Variants in SLC8A1 observed in about 807,000 individuals in gnomAD.
SLC8A1 encodes solute carrier family 8 member A1, also known as sodium/calcium exchanger 1.
In SLC8A1, 18 loss-of-function variants were observed where a neutral mutation model predicts 68.3. The observed-to-expected ratio is 0.26, with a 90% CI of 0.18 to 0.39. The LOEUF (loss-of-function observed/expected upper bound fraction) is 0.39. SLC8A1 is among the 10% of genes least tolerant of loss of function. SLC8A1 has a pLI of 1.00. For synonymous variants in SLC8A1, 475 were observed against 415.5 expected, an observed-to-expected ratio of 1.14 and a Z score of -1.74; for missense variants, 985 against 1,156.7, an observed-to-expected ratio of 0.85 and a Z score of 2.15.
rs760458596 is a variant in SLC8A1, at chr2:40,245,843, A to G, written c.1809-67988T>C. Among the ~76,000 whole-genome samples, 117 of 152,330 alleles carry G rather than the reference A, an allele frequency of 7.7e-4. No individual in the cohort carries two copies. In the Middle Eastern group the frequency reaches 0.017, roughly 22 times the overall value. ...TCTCGTAGAATGGTAAGAGGTTTAT[A>G]TCAGACTGTTGACTGCTTTATATAC... On this transcript the variant is annotated intron_variant, in intron 2 of 7. Transcript: ENST00000406785.
At chr2:40,335,595 G>C (rs1247024882) in intron 2 of SLC8A1, among the ~76,000 whole-genome samples, 1 of 152,206 alleles carries the variant, frequency 6.6e-6, no homozygotes, top group Non-Finnish European at 1.5e-5. Context: ...TAAAAATCAT[G>C]TGAATAATAC....
intron 4 of SLC8A1, among the ~76,000 whole-genome samples, chr2:40,169,860 G>C (rs893913597): frequency 2.0e-5 from 3 of 152,276 alleles, no homozygotes; most frequent in African/African-American, 7.2e-5. Context: ...AGGATCCCTT[G>C]GGCTCAGGAG....
At chr2:40,460,567 G>A (rs939026901) in intron 1 of SLC8A1, among the ~76,000 whole-genome samples, 8 of 144,708 alleles carry the variant, frequency 5.5e-5, no homozygotes, top group African/African-American at 2.1e-4. Flanking sequence ...AAATCAGACT[G>A]TAAGTATTTT....
At chr2:40,496,977 TG>T (rs1169262957) in intron 1 of SLC8A1, among the ~76,000 whole-genome samples, 3 of 148,268 alleles carry the variant, frequency 2.0e-5, no homozygotes, top group Non-Finnish European at 4.5e-5. Context: ...TAATGCTAGA[TG>T]ACGAGTTAGT....
Position 40,200,251 on chromosome 2 carries a change from T to TATTTATATATATATATATAAATAA in SLC8A1, c.1809-22397_1809-22396insTTATTTATATATATATATATAAAT, listed in dbSNP as rs1558723628. Among the ~76,000 whole-genome samples, 28 of 68,506 alleles carry TATTTATATATATATATATAAATAA rather than the reference T, an allele frequency of 4.1e-4. 3 individuals are homozygous for TATTTATATATATATATATAAATAA. Among genetic ancestry groups the TATTTATATATATATATATAAATAA allele is most frequent in the African/African-American group, 1.2e-3 (21 of 17,866 alleles). The allele number at this position is 68,506 out of a possible 152,430, so 44.9% of individuals were successfully genotyped here. A position where few individuals can be genotyped will look rare whatever the true frequency, so the allele number is the denominator to read the frequency against. On this transcript the variant is annotated intron_variant, in intron 2 of 7. Transcript: ENST00000406785. ...ATATATATATATAAATATATATATA[T>TATTTATATATATATATATAAATAA]ATATATATATATATATAACCTCTTT...
chr2:40,474,995 G>A (rs1704192239), intron 1 of SLC8A1, among the ~76,000 whole-genome samples: 1 of 152,102 alleles, frequency 6.6e-6, no homozygotes, highest in South Asian at 2.1e-4. Context: ...AGTGATCGAG[G>A]TTACTAATAT....
chr2:40,392,343 C>T (rs1214265977), intron 2 of SLC8A1, among the ~76,000 whole-genome samples: 1 of 152,044 alleles, frequency 6.6e-6, no homozygotes, highest in Admixed American at 6.6e-5. Context: ...CTTATCTACC[C>T]GTTCCCACTA....
At chr2:40,421,783 A>G (rs928110131) in intron 2 of SLC8A1, among the ~76,000 whole-genome samples, 2 of 152,190 alleles carry the variant, frequency 1.3e-5, no homozygotes, top group African/African-American at 4.8e-5. Context: ...ATGAAAAAGA[A>G]TTGTTTATTT....
At chr2:40,212,283 C>T (rs565625) in intron 2 of SLC8A1, among the ~76,000 whole-genome samples, 98,189 of 136,090 alleles carry the variant, frequency 0.72, 36,206 homozygotes, top group Middle Eastern at 0.82. Context: ...GATGCAATAT[C>T]TTTTTTTTTT....
intron 2 of SLC8A1, among the ~76,000 whole-genome samples, chr2:40,372,937 G>A (rs981970297): frequency 6.6e-6 from 1 of 151,822 alleles, no homozygotes; most frequent in African/African-American, 2.4e-5. Flanking sequence ...TATCAAGAGA[G>A]GTATTATGGG....
At chr2:40,350,128 TATG>T (rs1446162148) in intron 2 of SLC8A1, among the ~76,000 whole-genome samples, 1 of 152,220 alleles carries the variant, frequency 6.6e-6, no homozygotes, top group Non-Finnish European at 1.5e-5. Flanking sequence ...GTCATATTTA[TATG>T]ATGTTTTAAA....
intron 2 of SLC8A1, among the ~76,000 whole-genome samples, chr2:40,245,857 T>G (rs2061799144): frequency 6.6e-6 from 1 of 152,168 alleles, no homozygotes; most frequent in African/African-American, 2.4e-5. Flanking sequence ...GACTGTTGAC[T>G]GCTTTATATA....
intron 2 of SLC8A1, among the ~76,000 whole-genome samples, chr2:40,374,609 C>T (rs933487453): frequency 2.0e-5 from 3 of 151,884 alleles, no homozygotes; most frequent in Admixed American, 6.6e-5. Context: ...TAAGTTATTA[C>T]CCAAATCCAG....
chr2:40,127,336 A>T (rs1382624952), intron 7 of SLC8A1, among the ~76,000 whole-genome samples: 2 of 152,116 alleles, frequency 1.3e-5, no homozygotes, highest in Non-Finnish European at 2.9e-5. Context: ...CACAGACTAA[A>T]CGGCAGGAAG....
chr2:40,324,959 C>G (rs775111431), intron 2 of SLC8A1, among the ~76,000 whole-genome samples: 2 of 152,038 alleles, frequency 1.3e-5, no homozygotes, highest in Non-Finnish European at 2.9e-5. Flanking sequence ...GGCCCTGGAT[C>G]TCTCCTCTCC....
chr2:40,357,111 G>T (rs939984983), intron 2 of SLC8A1, among the ~76,000 whole-genome samples: 3 of 152,162 alleles, frequency 2.0e-5, no homozygotes, highest in Admixed American at 1.3e-4. Context: ...GAGAGTTCCA[G>T]CTTCATCAGA....
chr2:40,436,794 A>G (rs1699506962), intron 1 of SLC8A1, among the ~76,000 whole-genome samples: 2 of 152,182 alleles, frequency 1.3e-5, no homozygotes, highest in Admixed American at 1.3e-4. Flanking sequence ...AAGCTGGAGA[A>G]GAGAGAGTCT....
intron 1 of SLC8A1, among the ~76,000 whole-genome samples, chr2:40,439,906 C>T (rs1700165062): frequency 6.6e-6 from 1 of 152,106 alleles, no homozygotes; most frequent in South Asian, 2.1e-4. Context: ...TCTAAAGTTC[C>T]TGACAATATA....
intron 2 of SLC8A1, among the ~76,000 whole-genome samples, chr2:40,412,609 ACT>A (rs1186676312): frequency 1.3e-5 from 2 of 152,184 alleles, no homozygotes. Context: ...CTGAGGCACT[ACT>A]GACTGTATAG....
Sources: allele counts gnomAD v4.1 joint callset (sites outside exome capture counted in the v4.1 genomes callset), GRCh38; gene constraint gnomAD v4.1.1; transcripts MANE v1.5; gene names NCBI Gene and HGNC (gene_info 2026-07-23, HGNC 2026-07-21).